Variants in SLC24A2 observed in about 807,000 individuals in gnomAD.
The protein encoded by SLC24A2 is solute carrier family 24 member 2, also known as sodium/potassium/calcium exchanger 2.
A neutral mutation model predicts 62.0 loss-of-function variants in SLC24A2; 36 were observed. The observed-to-expected ratio is 0.58, with a 90% CI of 0.44 to 0.77. The LOEUF (loss-of-function observed/expected upper bound fraction) is 0.77, where lower values mean the gene tolerates loss of function less well. Among genes scored for constraint, SLC24A2 ranks in the 30% least tolerant of loss-of-function variants. The pLI is 0.00. For missense variants in SLC24A2, 846 were observed against 817.9 expected, an observed-to-expected ratio of 1.03 and a Z score of -0.42; for synonymous variants, 358 against 294.0, an observed-to-expected ratio of 1.22 and a Z score of -2.23.
chr9:19,545,273 C>T (rs552980627), intron 8 of SLC24A2, among the ~76,000 whole-genome samples: 3 of 151,858 alleles, frequency 2.0e-5, no homozygotes, highest in Non-Finnish European at 2.9e-5. Flanking sequence ...TTTTTCAGCT[C>T]CATCAGGTCA....
the SLC24A2 span, among the ~76,000 whole-genome samples, chr9:19,830,158 A>G: frequency 4.0e-3 from 605 of 152,168 alleles, 5 homozygotes; most frequent in Non-Finnish European, 6.1e-3. Flanking sequence ...CCTTGAGGCC[A>G]CTTTGAGTAG....
chr9:20,010,513 C>T, the SLC24A2 span, among the ~76,000 whole-genome samples: 1 of 151,722 alleles, frequency 6.6e-6, no homozygotes, highest in African/African-American at 2.4e-5. Context: ...ATTTGGAAAA[C>T]AATTCATGAA....
the SLC24A2 span, among the ~76,000 whole-genome samples, chr9:19,872,876 C>T: frequency 1.3e-5 from 2 of 152,188 alleles, no homozygotes; most frequent in African/African-American, 4.8e-5. Context: ...AATCAAGTTT[C>T]CAGAGCCCCG....
At chr9:19,601,649 A>AT (rs34887330) in intron 4 of SLC24A2, among the ~76,000 whole-genome samples, 1 of 151,006 alleles carries the variant, frequency 6.6e-6, no homozygotes, top group Non-Finnish European at 1.5e-5. Flanking sequence ...CTGTTAGAAT[A>AT]TTTTTTTTTT....
intron 4 of SLC24A2, among the ~76,000 whole-genome samples, chr9:19,598,639 G>A (rs1836767296): frequency 6.6e-6 from 1 of 151,448 alleles, no homozygotes; most frequent in East Asian, 1.9e-4. Context: ...ATGACTTCTG[G>A]GGATTGCCAT....
chr9:19,916,117 T>G, the SLC24A2 span, among the ~76,000 whole-genome samples: 1 of 152,068 alleles, frequency 6.6e-6, no homozygotes. Flanking sequence ...AATCACTCTT[T>G]GCATGTGAAT....
chr9:19,786,780 A>C lies in SLC24A2; in HGVS notation c.87T>G (p.Ser29Arg), dbSNP rs78119239. 1.6e-4 allele frequency: 253 copies of C among 1,604,888 alleles called. 3 individuals carry two copies. In the East Asian group the frequency reaches 5.6e-3, roughly 36 times the overall value. Residue 29 changes from serine to arginine, a missense_variant, in exon 2 of 11, where the codon AGT (serine) becomes AGG (arginine). By Grantham distance (110) the Ser-to-Arg change is moderately radical (BLOSUM62 -1). Transcript: ENST00000341998. The surrounding 1 kb of genome is among the most constrained non-coding windows in gnomAD (Gnocchi z 5.0). Reference sequence around the variant, plus strand: ...GAATTAACTTCAGTTTTTTCTTGACACTATAATGTCTTCTGCAGCCAGACA... The same window carrying C: ...GAATTAACTTCAGTTTTTTCTTGACCCTATAATGTCTTCTGCAGCCAGACA... ...ESLSGCRRHY[S>R]VKKKLKLIRV...
At chr9:20,132,454 G>C in the SLC24A2 span, among the ~76,000 whole-genome samples, 1 of 152,070 alleles carries the variant, frequency 6.6e-6, no homozygotes, top group Non-Finnish European at 1.5e-5. Context: ...TTTGCTTTTT[G>C]AGTTTTTGGG....
At chr9:20,150,741 T>C in the SLC24A2 span, among the ~76,000 whole-genome samples, 2 of 151,896 alleles carry the variant, frequency 1.3e-5, no homozygotes, top group South Asian at 4.1e-4. Flanking sequence ...CATATTCATA[T>C]AATGAAAAAG....
chr9:20,107,041 C>T, the SLC24A2 span, among the ~76,000 whole-genome samples: 2 of 152,212 alleles, frequency 1.3e-5, no homozygotes, highest in Non-Finnish European at 2.9e-5. Flanking sequence ...CACAAGGATT[C>T]TTATACACCA....
the SLC24A2 span, among the ~76,000 whole-genome samples, chr9:20,078,216 T>C: frequency 1.3e-5 from 2 of 152,296 alleles, no homozygotes; most frequent in Admixed American, 6.5e-5. Context: ...ATAGTTGCTG[T>C]AGGAAGTGGG....
the SLC24A2 span, among the ~76,000 whole-genome samples, chr9:20,189,099 T>G: frequency 6.6e-6 from 1 of 151,168 alleles, no homozygotes; most frequent in East Asian, 1.9e-4. Flanking sequence ...TTTTCCCAGT[T>G]GATTTGCTCT....
At chr9:19,888,209 A>G in the SLC24A2 span, among the ~76,000 whole-genome samples, 1 of 152,198 alleles carries the variant, frequency 6.6e-6, no homozygotes, top group Non-Finnish European at 1.5e-5. Context: ...ACATGCCTCC[A>G]TTATGTTTTA....
chr9:20,046,036 T>C, the SLC24A2 span, among the ~76,000 whole-genome samples: 36 of 152,258 alleles, frequency 2.4e-4, no homozygotes, highest in South Asian at 7.5e-3. Flanking sequence ...TCCTAGCTGC[T>C]CTCATATCAA....
At chr9:19,849,497 C>T in the SLC24A2 span, among the ~76,000 whole-genome samples, 1 of 152,108 alleles carries the variant, frequency 6.6e-6, no homozygotes, top group Admixed American at 6.5e-5. Flanking sequence ...AATGAAAAGA[C>T]ATTGTACTAC....
chr9:20,233,428 T>C, the SLC24A2 span, among the ~76,000 whole-genome samples: 1 of 152,222 alleles, frequency 6.6e-6, no homozygotes, highest in Admixed American at 6.5e-5. Flanking sequence ...GGTGCATATA[T>C]ATTTAGGATA....
chr9:19,567,174 GAAA>G (rs55924253), intron 7 of SLC24A2, among the ~76,000 whole-genome samples: 2 of 138,136 alleles, frequency 1.4e-5, no homozygotes, highest in African/African-American at 2.6e-5. Context: ...AAAGAATCTG[GAAA>G]AAAAAAAAAG....
At chr9:20,140,358 C>G in the SLC24A2 span, among the ~76,000 whole-genome samples, 57 of 152,130 alleles carry the variant, frequency 3.7e-4, no homozygotes, top group African/African-American at 1.2e-3. Flanking sequence ...GTAAATCACA[C>G]TGATCAAGTG....
chr9:20,092,348 C>T, the SLC24A2 span, among the ~76,000 whole-genome samples: 1 of 152,192 alleles, frequency 6.6e-6, no homozygotes, highest in Admixed American at 6.5e-5. Flanking sequence ...CTTGGCCCAA[C>T]TGTGGTTCAT....
Sources: allele counts gnomAD v4.1 joint callset (sites outside exome capture counted in the v4.1 genomes callset), GRCh38; gene constraint gnomAD v4.1.1; non-coding constraint Gnocchi (gnomAD v3.1); transcripts MANE v1.5; gene names NCBI Gene and HGNC (gene_info 2026-07-23, HGNC 2026-07-21).